MYO3B: variants seen among roughly 807,000 people sequenced by gnomAD.
MYO3B encodes myosin-IIIb.
Under a neutral mutation model 174.6 loss-of-function variants are expected in MYO3B, and 156 were observed. The ratio of observed to expected loss-of-function variants is 0.89; its 90% CI spans 0.78 to 1.02. The LOEUF is 1.02. MYO3B is among the 50% of genes least tolerant of loss of function. The pLI is 0.00. For synonymous variants in MYO3B, 563 were observed against 569.1 expected (o/e 0.99, Z 0.15); for missense variants, 1,632 against 1,639.4 (o/e 1.00, Z 0.08).
chr2:170,614,961 T>C (rs1236368213), intron 32 of MYO3B, among the ~76,000 whole-genome samples: 3 of 152,174 alleles, frequency 2.0e-5, no homozygotes, highest in Non-Finnish European at 4.4e-5. Flanking sequence ...AGCTTTTGCC[T>C]CCAACACAGT....
At chr2:170,233,074 C>A (rs778261336) in intron 6 of MYO3B, among the ~76,000 whole-genome samples, 1 of 152,198 alleles carries the variant, frequency 6.6e-6, no homozygotes, top group African/African-American at 2.4e-5. Flanking sequence ...CCTTTTGTGT[C>A]CCATCCAAGT....
intron 32 of MYO3B, among the ~76,000 whole-genome samples, chr2:170,550,269 G>T (rs1216666577): frequency 6.6e-6 from 1 of 152,198 alleles, no homozygotes; most frequent in Non-Finnish European, 1.5e-5. Context: ...GTATAGAATT[G>T]TTATTGCTAG....
At chr2:170,344,040 G>T (rs1441801808) in intron 8 of MYO3B, 1 of 152,218 alleles carries the variant, frequency 6.6e-6, no homozygotes, top group Non-Finnish European at 1.5e-5. Context: ...CTGGGCTCCT[G>T]CCCTCAGGCT....
At chr2:170,281,738 A>T (rs2093512586) in intron 7 of MYO3B, among the ~76,000 whole-genome samples, 1 of 152,170 alleles carries the variant, frequency 6.6e-6, no homozygotes, top group African/African-American at 2.4e-5. Flanking sequence ...AACTGAAGGA[A>T]ATTGAGACAC....
intron 6 of MYO3B, among the ~76,000 whole-genome samples, chr2:170,232,307 G>A (rs913893927): frequency 1.3e-5 from 2 of 152,146 alleles, no homozygotes; most frequent in African/African-American, 4.8e-5. Context: ...GGATTGATAG[G>A]GAATCCCATT....
chr2:170,463,233 C>T (rs1684417736), intron 23 of MYO3B, 135 bp from the exon 24 acceptor site: 2 of 617,970 alleles, frequency 3.2e-6, no homozygotes, highest in South Asian at 4.8e-5. Context: ...ATTCTCCCCA[C>T]AGTATACACT....
At chr2:170,382,296 G>A (rs982155576) in intron 10 of MYO3B, 184 bp downstream of exon 10, 31 of 484,698 alleles carry the variant, frequency 6.4e-5, no homozygotes, top group Admixed American at 4.3e-4. Context: ...TGTTTATTTA[G>A]ATAGCCCCTA....
intron 8 of MYO3B, among the ~76,000 whole-genome samples, chr2:170,351,847 C>G (rs1165515008): frequency 6.6e-6 from 1 of 152,174 alleles, no homozygotes; most frequent in African/African-American, 2.4e-5. Flanking sequence ...AGAAGGAAAA[C>G]AATTTGGGAT....
chr2:170,339,914 T>A (rs916654322), intron 8 of MYO3B, among the ~76,000 whole-genome samples: 1 of 152,170 alleles, frequency 6.6e-6, no homozygotes, highest in Non-Finnish European at 1.5e-5. Flanking sequence ...CTCTATAATG[T>A]GTGGTTGGCT....
chr2:170,303,649 A>G (rs1574749915), intron 7 of MYO3B, among the ~76,000 whole-genome samples: 1 of 152,072 alleles, frequency 6.6e-6, no homozygotes, highest in East Asian at 1.9e-4. Context: ...AAAAAAACTA[A>G]TAGATCTTTG....
chr2:170,614,187 G>C (rs780206706), intron 32 of MYO3B, among the ~76,000 whole-genome samples: 2 of 152,122 alleles, frequency 1.3e-5, no homozygotes, highest in Non-Finnish European at 2.9e-5. Context: ...TCAACTCTCT[G>C]CTGCTTAGTT....
intron 25 of MYO3B, among the ~76,000 whole-genome samples, chr2:170,495,904 A>G (rs1193001368): frequency 6.6e-6 from 1 of 152,224 alleles, no homozygotes; most frequent in Non-Finnish European, 1.5e-5. Context: ...GCTGTGGCCA[A>G]AGCCAAGTCA....
chr2:170,196,966 A>G (rs1455374104), intron 1 of MYO3B, among the ~76,000 whole-genome samples: 3 of 152,006 alleles, frequency 2.0e-5, no homozygotes, highest in African/African-American at 7.2e-5. Flanking sequence ...ACTCCTGCAG[A>G]TAACATCACT....
At position 170,645,542 on chromosome 2, in the gene MYO3B, C is replaced by T. The variant is rs144962098; in HGVS notation, c.3734-6086C>T. ...AGTTTCTCTACATAAACTAATCAAA[C>T]GAACTAGGTAACTATCCGATAACCA... is the stretch of plus-strand genomic sequence containing the variant. On this transcript the variant is annotated intron_variant, in intron 32 of 34. Transcript: ENST00000408978. Among the ~76,000 whole-genome samples the T allele has an allele frequency of 2.5e-3, 375 of 149,300 alleles. 2 individuals are homozygous for T. Among genetic ancestry groups the T allele is most frequent in the African/African-American group, 8.6e-3 (350 of 40,554 alleles).
intron 32 of MYO3B, among the ~76,000 whole-genome samples, chr2:170,553,912 C>T (rs1488422420): frequency 6.6e-6 from 1 of 152,206 alleles, no homozygotes; most frequent in African/African-American, 2.4e-5. Flanking sequence ...GCACTTCCCC[C>T]TTCCCTCTGT....
At chr2:170,234,291 A>T (rs902276424) in intron 6 of MYO3B, among the ~76,000 whole-genome samples, 9 of 151,940 alleles carry the variant, frequency 5.9e-5, no homozygotes, top group African/African-American at 2.2e-4. Flanking sequence ...ACAGAAATTT[A>T]TTTTCTCACA....
intron 7 of MYO3B, among the ~76,000 whole-genome samples, chr2:170,273,654 C>A (rs1240696956): frequency 1.3e-5 from 2 of 152,110 alleles, no homozygotes; most frequent in African/African-American, 4.8e-5. Flanking sequence ...TCCCCTTGGA[C>A]CTGCCACTAT....
At chr2:170,221,196 T>A (rs2092896282) in intron 6 of MYO3B, among the ~76,000 whole-genome samples, 1 of 152,070 alleles carries the variant, frequency 6.6e-6, no homozygotes, top group Non-Finnish European at 1.5e-5. Context: ...CTTGTATGAA[T>A]AAGTGGTCTT....
chr2:170,462,222 G>A (rs1221775803), intron 23 of MYO3B, among the ~76,000 whole-genome samples: 1 of 152,210 alleles, frequency 6.6e-6, no homozygotes, highest in Non-Finnish European at 1.5e-5. Context: ...ATGGACTGAT[G>A]GCATCGGCCG....
Sources: gnomAD v4.1 joint callset for allele counts (sites outside exome capture counted in the v4.1 genomes callset) on GRCh38, gnomAD v4.1.1 for gene constraint, MANE v1.5 for transcripts, NCBI Gene and HGNC (gene_info 2026-07-23, HGNC 2026-07-21) for gene names.